Variants in CORO1C observed in about 807,000 individuals in gnomAD.
CORO1C encodes coronin 1C, also known as coronin-1C.
In CORO1C, 14 loss-of-function variants were observed where a neutral mutation model predicts 51.2. The observed-to-expected ratio is 0.27, with a 90% CI of 0.18 to 0.43. CORO1C has a LOEUF of 0.43. Ranked by LOEUF, CORO1C falls within the 20% of genes least tolerant of loss-of-function variation. The pLI, the probability that CORO1C is intolerant of heterozygous loss-of-function variation, is 1.00. For synonymous variants in CORO1C, 181 were observed against 210.5 expected, an observed-to-expected ratio of 0.86 and a Z score of 1.21; for missense variants, 417 against 607.8, an observed-to-expected ratio of 0.69 and a Z score of 3.30.
chr12:108,676,497 C>T (rs929904553), intron 3 of CORO1C, among the ~76,000 whole-genome samples: 10 of 152,078 alleles, frequency 6.6e-5, no homozygotes, highest in South Asian at 4.1e-4. Flanking sequence ...CAGAGTTAGG[C>T]GCAGTGGCTC....
chr12:108,673,099 T>C (rs557584852), intron 3 of CORO1C, among the ~76,000 whole-genome samples: 100 of 152,286 alleles, frequency 6.6e-4, no homozygotes, highest in African/African-American at 2.4e-3. Context: ...TGATTAAGCT[T>C]AGTGAGGAAG....
intron 3 of CORO1C, among the ~76,000 whole-genome samples, chr12:108,663,196 A>G (rs1165889832): frequency 6.6e-6 from 1 of 152,258 alleles, no homozygotes; most frequent in Non-Finnish European, 1.5e-5. Context: ...AAAAAATCAG[A>G]GCCTGCACAC....
intron 4 of CORO1C, among the ~76,000 whole-genome samples, chr12:108,661,305 A>T (rs1469278491): frequency 6.6e-6 from 1 of 152,228 alleles, no homozygotes; most frequent in Non-Finnish European, 1.5e-5. Flanking sequence ...AATGAGGTAT[A>T]TCCAGAAAAT....
At chr12:108,691,567 C>T (rs1457529157) in intron 2 of CORO1C, among the ~76,000 whole-genome samples, 3 of 152,178 alleles carry the variant, frequency 2.0e-5, no homozygotes, top group Non-Finnish European at 2.9e-5. Flanking sequence ...AAGAGTTAAA[C>T]GTTCTTTGCA....
chr12:108,726,981 C>A (rs1175857595), intron 1 of CORO1C, among the ~76,000 whole-genome samples: 1 of 152,186 alleles, frequency 6.6e-6, no homozygotes, highest in African/African-American at 2.4e-5. Flanking sequence ...AAGGGAGTTA[C>A]CCCATTCATG....
intron 2 of CORO1C, among the ~76,000 whole-genome samples, chr12:108,700,301 AC>A (rs1481067320): frequency 2.0e-5 from 3 of 152,036 alleles, no homozygotes; most frequent in African/African-American, 7.2e-5. Context: ...CTAGAAAACA[AC>A]TGTTTCTAGG....
intron 3 of CORO1C, among the ~76,000 whole-genome samples, 174 bp from the exon 4 acceptor site, chr12:108,662,332 G>GT (rs1039542772): frequency 4.0e-5 from 6 of 151,378 alleles, no homozygotes; most frequent in Non-Finnish European, 4.4e-5. Flanking sequence ...TTTTTTGTTT[G>GT]TTTTTTTGTT....
At chr12:108,684,610 A>T (rs1448427657) in intron 2 of CORO1C, among the ~76,000 whole-genome samples, 1 of 152,236 alleles carries the variant, frequency 6.6e-6, no homozygotes, top group Non-Finnish European at 1.5e-5. Flanking sequence ...TGTAATAAAA[A>T]TATGATACAT....
At chr12:108,701,681 T>A (rs781572602) in intron 1 of CORO1C, 4 of 220,960 alleles carry the variant, frequency 1.8e-5, no homozygotes, top group Non-Finnish European at 2.7e-5. Flanking sequence ...CTTTTACAGA[T>A]AAGAAAACTC....
At chr12:108,652,055 C>CTTTTTTTTTTTTTTTTTTTTTTTTGTT (rs202228272) in intron 8 of CORO1C, 1 of 142,370 alleles carries the variant, frequency 7.0e-6, no homozygotes, top group Non-Finnish European at 1.3e-5. Flanking sequence ...TTTTTCTTTT[C>CTTTTTTTTTTTTTTTTTTTTTTTTGTT]TTTTTTTTTT....
At chr12:108,728,619 A>G (rs544401973) in intron 1 of CORO1C, among the ~76,000 whole-genome samples, 1 of 152,298 alleles carries the variant, frequency 6.6e-6, no homozygotes, top group East Asian at 1.9e-4. Context: ...AAGCTGTTAT[A>G]AAACAAAAAA....
Position 108,697,805 on chromosome 12 carries a change from T to C in CORO1C, c.195+3319A>G, listed in dbSNP as rs577256704. ...AGATGCTGGCACACAGCAGGTACTC[T>C]GCTTACAGACAATCAAACCAACTAA... On this transcript the variant is annotated intron_variant, in intron 2 of 10. Coordinates refer to ENST00000261401, the MANE Select transcript of CORO1C (RefSeq NM_014325.4). Among the ~76,000 whole-genome samples, 59 of 152,352 alleles carry C rather than the reference T, an allele frequency of 3.9e-4. 1 individual carries two copies. In the South Asian group the frequency reaches 0.012, roughly 30 times the overall value.
chr12:108,687,798 A>G (rs1354567176), intron 2 of CORO1C, among the ~76,000 whole-genome samples: 2 of 151,980 alleles, frequency 1.3e-5, no homozygotes, highest in African/African-American at 2.4e-5. Context: ...TAATAATAAC[A>G]ATTTAATTAA....
rs1014473618 is a variant in CORO1C at position 108,651,283 on chromosome 12, A to G, written c.1001+989T>C. 2.5e-4 allele frequency among the ~76,000 whole-genome samples: 38 copies of G among 152,216 alleles called. 1 individual carries two copies. Among genetic ancestry groups the G allele is most frequent in the African/African-American group, 8.0e-4 (33 of 41,442 alleles). ...TTACACAAATGTTTGGTACGACCTT[A>G]TATGTGATGATGTAGTGCTAATTAT... On this transcript the variant is annotated intron_variant, in intron 8 of 10. Transcript: ENST00000261401.
At chr12:108,713,424 T>A (rs1401203208) in intron 1 of CORO1C, among the ~76,000 whole-genome samples, 7 of 152,194 alleles carry the variant, frequency 4.6e-5, no homozygotes, top group Non-Finnish European at 8.8e-5. Context: ...AATAGTTTCA[T>A]CCCATCATTA....
At chr12:108,717,523 CTTG>C (rs2035368406) in intron 1 of CORO1C, among the ~76,000 whole-genome samples, 1 of 152,206 alleles carries the variant, frequency 6.6e-6, no homozygotes, top group African/African-American at 2.4e-5. Flanking sequence ...AGTCACGGCA[CTTG>C]TTGTCCAGGC....
intron 2 of CORO1C, 129 bp downstream of exon 2, chr12:108,700,995 C>G (rs1312530643): frequency 1.9e-6 from 2 of 1,060,368 alleles, no homozygotes; most frequent in Non-Finnish European, 2.8e-6. Flanking sequence ...GCGTGTGGAA[C>G]TTAACTTCAA....
At chr12:108,660,116 T>C (rs906925536) in intron 4 of CORO1C, among the ~76,000 whole-genome samples, 9 of 152,104 alleles carry the variant, frequency 5.9e-5, no homozygotes, top group African/African-American at 1.2e-4. Context: ...TTAGAAAAAA[T>C]AGTCACTAAC....
At chr12:108,687,612 C>A (rs1473358715) in intron 2 of CORO1C, among the ~76,000 whole-genome samples, 1 of 151,824 alleles carries the variant, frequency 6.6e-6, no homozygotes, top group Non-Finnish European at 1.5e-5. Flanking sequence ...TGATGAAACT[C>A]CATCTTTACG....
Sources: gnomAD v4.1 joint callset for allele counts (sites outside exome capture counted in the v4.1 genomes callset) on GRCh38, gnomAD v4.1.1 for gene constraint, MANE v1.5 for transcripts, NCBI Gene and HGNC (gene_info 2026-07-23, HGNC 2026-07-21) for gene names.